Variants in ABI3BP observed in about 807,000 individuals in gnomAD.
The protein encoded by ABI3BP is target of Nesh-SH3.
ABI3BP carries 216 observed loss-of-function variants against 268.6 expected under a neutral mutation model. That is an observed-to-expected ratio of 0.80 (90% CI 0.72 to 0.90). The LOEUF is 0.90. Ranked by LOEUF, ABI3BP falls within the 40% of genes least tolerant of loss-of-function variation. The probability of loss-of-function intolerance (pLI) is 0.00; values close to 1 mark genes in which losing one functional copy is unlikely to be tolerated. For missense variants in ABI3BP, 2,090 were observed against 2,182.4 expected, an observed-to-expected ratio of 0.96 and a Z score of 0.84; for synonymous variants, 730 against 730.0, an observed-to-expected ratio of 1.00 and a Z score of 0.00.
rs372147171 is a variant in ABI3BP, at chr3:100,993,024, A to G, written c.79+282T>C. 6.6e-5 allele frequency among the ~76,000 whole-genome samples: 10 copies of G among 152,362 alleles called. No individual in the cohort carries two copies. The East Asian group carries it at 1.3e-3, about 21-fold the overall frequency. ...CCATTTACACAATATGATTCAATAC[A>G]CAAGCACTATAGTTAGAAAGTATAC... On this transcript the variant is annotated intron_variant, in intron 1 of 67. Transcript: ENST00000471714.
Position 100,810,413 on chromosome 3 carries a change from A to T in ABI3BP, c.3606T>A (p.Pro1202=), listed in dbSNP as rs1317336338. ...LPSPDEPQTE[P]APKQTPRAPP... The stretch of plus-strand genomic sequence containing the variant: ...TGACATACAAAATAATGTATTTACC[A>T]GGTTCAGTCTGAGGCTCATCTGGGC... The change falls in exon 49 of 68, where the codon CCT becomes CCA. Residue 1202 remains proline, a splice_region_variant and synonymous_variant. Coordinates refer to ENST00000471714, the MANE Select transcript of ABI3BP (RefSeq NM_001375547.2). 3.3e-6 allele frequency: 5 copies of T among 1,532,610 alleles called. No homozygotes were observed. The highest frequency in any genetic ancestry group is 4.4e-6 in the Non-Finnish European group (5 of 1,144,074). The allele number at this position is 1,532,610 out of a possible 1,614,324, so 94.9% of individuals were successfully genotyped here. A position where few individuals can be genotyped will look rare whatever the true frequency, so the allele number is the denominator to read the frequency against.
chr3:100,986,629 G>A (rs919549759), intron 1 of ABI3BP, among the ~76,000 whole-genome samples: 5 of 152,016 alleles, frequency 3.3e-5, no homozygotes, highest in African/African-American at 1.2e-4. Context: ...ATTACACCTG[G>A]CTAATTTTTG....
rs1293958716 is a variant in ABI3BP at position 100,775,351 on chromosome 3, A to C, written c.4334-16T>G. 6.3e-7 allele frequency: 1 copy of C among 1,592,908 alleles called. No homozygotes were observed. The highest frequency in any genetic ancestry group is 1.1e-5 in the South Asian group (1 of 87,746). ...GAAATGATTCCTGTAAAGTAGAGCC[A>C]AAGTAGTCAGGCTTTATAGGAACAC... On this transcript the variant is annotated splice_polypyrimidine_tract_variant and intron_variant, in intron 59 of 67. Coordinates refer to ENST00000471714, the MANE Select transcript of ABI3BP (RefSeq NM_001375547.2).
chr3:100,923,500 A>G (rs1027484006), intron 2 of ABI3BP, among the ~76,000 whole-genome samples: 1 of 152,318 alleles, frequency 6.6e-6, no homozygotes, highest in African/African-American at 2.4e-5. Context: ...TACATAAGTG[A>G]TATATTGATA....
chr3:100,823,344 CAAG>C (rs1483509436), intron 37 of ABI3BP, 111 bp downstream of exon 37: 1 of 878,876 alleles, frequency 1.1e-6, no homozygotes, highest in African/African-American at 1.7e-5. Flanking sequence ...CTTATAATTT[CAAG>C]AAGAGTTGAA....
intron 55 of ABI3BP, 98 bp downstream of exon 55, chr3:100,792,593 T>C: frequency 8.3e-7 from 1 of 1,209,266 alleles, no homozygotes; most frequent in Non-Finnish European, 1.2e-6. Context: ...AGTCAAGTAA[T>C]CCACTGTGTT....
intron 1 of ABI3BP, among the ~76,000 whole-genome samples, chr3:100,969,582 T>A (rs1240997686): frequency 6.6e-6 from 1 of 152,044 alleles, no homozygotes; most frequent in Non-Finnish European, 1.5e-5. Context: ...GTTCCAAAAG[T>A]GTGCATTTGA....
intron 66 of ABI3BP, 97 bp from the exon 67 acceptor site, chr3:100,751,771 C>T: frequency 8.0e-7 from 1 of 1,257,234 alleles, no homozygotes; most frequent in Non-Finnish European, 1.1e-6. Flanking sequence ...TTTCTCCCCT[C>T]ATTCTCTATT....
At chr3:100,846,664 A>G (rs1214765730) in intron 19 of ABI3BP, 1 of 385,050 alleles carries the variant, frequency 2.6e-6, no homozygotes, top group African/African-American at 2.0e-5. Flanking sequence ...TTTCAAGAGT[A>G]TATTTAATCA....
intron 66 of ABI3BP, 140 bp downstream of exon 66, chr3:100,752,647 G>T: frequency 1.3e-6 from 1 of 781,806 alleles, no homozygotes; most frequent in Non-Finnish European, 2.0e-6. Context: ...AACTGTTTCC[G>T]TAACATTTTG....
At chr3:100,787,938 A>G (rs771896919) in intron 56 of ABI3BP, 136 bp from the exon 57 acceptor site, 4 of 524,416 alleles carry the variant, frequency 7.6e-6, no homozygotes, top group Non-Finnish European at 1.3e-5. Flanking sequence ...TTCAGAATAT[A>G]GAAACCACAG....
At chr3:100,829,193 C>A (rs1228858031) in intron 33 of ABI3BP, among the ~76,000 whole-genome samples, 1 of 151,802 alleles carries the variant, frequency 6.6e-6, no homozygotes, top group Non-Finnish European at 1.5e-5. Flanking sequence ...GACTATATGG[C>A]CCAGAAAACC....
chr3:100,924,284 G>T (rs2061166998), intron 2 of ABI3BP, among the ~76,000 whole-genome samples: 1 of 152,040 alleles, frequency 6.6e-6, no homozygotes, highest in South Asian at 2.1e-4. Context: ...GACCTGTTTG[G>T]ATCCTGATTC....
Position 100,937,535 on chromosome 3 carries a change from C to T in ABI3BP, c.80-11054G>A, listed in dbSNP as rs149813174. On this transcript the variant is annotated intron_variant, in intron 1 of 67. Coordinates refer to ENST00000471714, the MANE Select transcript of ABI3BP (RefSeq NM_001375547.2). ...TAGTTGAATCTTTTGTCTGGCATGC[C>T]GTTACGCTACTGTAGAACGGGCTAT... Among the ~76,000 whole-genome samples, 74 of 152,080 alleles carry T rather than the reference C, an allele frequency of 4.9e-4. 2 individuals are homozygous for T. In the East Asian group the frequency reaches 0.012, roughly 25 times the overall value.
intron 18 of ABI3BP, 53 bp downstream of exon 18, chr3:100,848,748 T>C (rs6773877): frequency 0.3 from 464,547 of 1,550,156 alleles, 72,823 homozygotes; most frequent in African/African-American, 0.45. Flanking sequence ...TATAAGAAAA[T>C]GGACATTGTC....
At chr3:100,827,757 T>C (rs1241610347) in intron 34 of ABI3BP, among the ~76,000 whole-genome samples, 2 of 152,096 alleles carry the variant, frequency 1.3e-5, no homozygotes, top group South Asian at 2.1e-4. Context: ...TTCAGATACT[T>C]AGGATTAATA....
chr3:100,866,997 G>T, intron 9 of ABI3BP, 41 bp from the exon 10 acceptor site: 1 of 1,509,394 alleles, frequency 6.6e-7, no homozygotes, highest in Non-Finnish European at 9.2e-7. Context: ...CACTTGCAGT[G>T]TCCAAAAATA....
intron 1 of ABI3BP, among the ~76,000 whole-genome samples, chr3:100,979,284 C>A (rs2087951506): frequency 6.6e-6 from 1 of 152,162 alleles, no homozygotes; most frequent in Admixed American, 6.5e-5. Context: ...CATAAAATTT[C>A]TTTCATATCC....
At position 100,788,839 on chromosome 3, in the gene ABI3BP, G is replaced by A. The variant is rs147011554; in HGVS notation, c.4087+615C>T. Among the ~76,000 whole-genome samples the A allele has an allele frequency of 6.1e-3, 920 of 151,970 alleles. 10 individuals carry two copies. The highest frequency in any genetic ancestry group is 9.5e-3 in the African/African-American group (392 of 41,460). On this transcript the variant is annotated intron_variant, in intron 56 of 67. Transcript: ENST00000471714. ...TTAGAATCACAAAGAAAAAGAAAAT[G>A]AAACACCAGTGTGTGGTCCAACTTG...
Sources: allele counts gnomAD v4.1 joint callset (sites outside exome capture counted in the v4.1 genomes callset), GRCh38; gene constraint gnomAD v4.1.1; transcripts MANE v1.5; gene names NCBI Gene and HGNC (gene_info 2026-07-23, HGNC 2026-07-21).